Variants in SETBP1 observed in about 807,000 individuals in gnomAD.
SETBP1 encodes the protein SET binding protein 1, also known as SET-binding protein.
SETBP1 carries 9 observed loss-of-function variants against 101.0 expected under a neutral mutation model. The ratio of observed to expected loss-of-function variants is 0.09; its 90% CI spans 0.05 to 0.16. The LOEUF is 0.16. SETBP1 is among the 10% of genes least tolerant of loss of function. The pLI is 1.00. For missense variants in SETBP1, 1,858 were observed against 2,033.8 expected (o/e 0.91, Z 1.66); for synonymous variants, 818 against 788.5 (o/e 1.04, Z -0.63).
intron 2 of SETBP1, among the ~76,000 whole-genome samples, chr18:44,822,094 ACT>A (rs1045673289): frequency 5.3e-5 from 8 of 152,168 alleles, no homozygotes; most frequent in Admixed American, 1.3e-4. Flanking sequence ...TGACTGAGTG[ACT>A]CTGTTTATTT....
intron 4 of SETBP1, among the ~76,000 whole-genome samples, chr18:44,991,244 CA>C (rs55811938): frequency 0.059 from 4,017 of 68,208 alleles, 26 homozygotes; most frequent in African/African-American, 0.088. Flanking sequence ...CTGCATCTCA[CA>C]AAAAAAAAAA....
At chr18:44,831,875 C>T (rs539400317) in intron 2 of SETBP1, among the ~76,000 whole-genome samples, 2 of 152,332 alleles carry the variant, frequency 1.3e-5, no homozygotes, top group African/African-American at 4.8e-5. Context: ...GCTGTGCATT[C>T]TGCCTTAGGG....
chr18:44,691,468 C>T (rs1000971916), intron 1 of SETBP1, among the ~76,000 whole-genome samples: 9 of 151,340 alleles, frequency 5.9e-5, no homozygotes, highest in Non-Finnish European at 2.9e-5. Context: ...ACTTGATTGG[C>T]CCAGGCAGGA....
At chr18:44,698,778 G>T (rs1341777746) in intron 1 of SETBP1, among the ~76,000 whole-genome samples, 1 of 152,192 alleles carries the variant, frequency 6.6e-6, no homozygotes. Context: ...CATCAAAAGT[G>T]TAACTTCCTT....
Position 44,701,308 on chromosome 18 carries a change from T to C in SETBP1, c.-39T>C. 6.9e-7 allele frequency: 1 copy of C among 1,453,046 alleles called. No homozygotes were observed. The highest frequency in any genetic ancestry group is 1.5e-5 in the South Asian group (1 of 66,838). The allele number at this position is 1,453,046 out of a possible 1,614,324, so 90.0% of individuals were successfully genotyped here. ...ACCTTTCCCTTTTCCCTTTTCCCCT[T>C]CCCCCTCCTGAGAACTCCGGAAGAC... On this transcript the variant is annotated 5_prime_UTR_variant, in exon 2 of 6. Transcript: ENST00000649279.
intron 2 of SETBP1, among the ~76,000 whole-genome samples, chr18:44,812,534 T>C (rs2071885455): frequency 6.6e-6 from 1 of 152,162 alleles, no homozygotes; most frequent in Admixed American, 6.5e-5. Context: ...CATGATTGCA[T>C]GTGAGATATT....
At chr18:44,968,905 T>G (rs953636400) in intron 4 of SETBP1, among the ~76,000 whole-genome samples, 3 of 152,208 alleles carry the variant, frequency 2.0e-5, no homozygotes, top group African/African-American at 7.2e-5. Flanking sequence ...ACTGTTAATT[T>G]CTTTTCACAG....
chr18:44,692,698 G>A (rs901629740), intron 1 of SETBP1, among the ~76,000 whole-genome samples: 3 of 152,208 alleles, frequency 2.0e-5, no homozygotes, highest in South Asian at 4.1e-4. Context: ...TGTGTATGCA[G>A]GAAGAGGTAG....
chr18:44,836,922 AT>A (rs1345918814), intron 2 of SETBP1, among the ~76,000 whole-genome samples: 11 of 150,178 alleles, frequency 7.3e-5, no homozygotes, highest in African/African-American at 1.2e-4. Context: ...TTACATCCCT[AT>A]TTTTTTTTCT....
intron 5 of SETBP1, among the ~76,000 whole-genome samples, chr18:45,050,331 T>C (rs1568051315): frequency 6.6e-6 from 1 of 152,176 alleles, no homozygotes; most frequent in Non-Finnish European, 1.5e-5. Flanking sequence ...CCACAACTAG[T>C]AAAGAGTAAA....
chr18:45,008,086 G>A (rs1242749120), intron 4 of SETBP1, among the ~76,000 whole-genome samples: 1 of 152,128 alleles, frequency 6.6e-6, no homozygotes, highest in Non-Finnish European at 1.5e-5. Flanking sequence ...TCCAGTATAT[G>A]CTAATGCAAT....
rs2073951759 is a variant in SETBP1, at chr18:45,065,254, A to T, written c.*1556A>T. On this transcript the variant is annotated 3_prime_UTR_variant, in exon 6 of 6. Transcript: ENST00000649279. ...TTTCCGTAGATGTTTTCTAAAAGTC[A>T]GATTGTGGAAATTTCAAATAAGTAT... The T allele has an allele frequency of 6.6e-6, 1 of 152,244 alleles. No homozygotes were observed. The highest frequency in any genetic ancestry group is 2.4e-5 in the African/African-American group (1 of 41,468). The allele number at this position is 152,244 out of a possible 1,614,324, so 9.4% of individuals were successfully genotyped here. A position where few individuals can be genotyped will look rare whatever the true frequency, so the allele number is the denominator to read the frequency against.
chr18:44,756,145 A>C (rs976127916), intron 2 of SETBP1, among the ~76,000 whole-genome samples: 1 of 151,520 alleles, frequency 6.6e-6, no homozygotes. Context: ...TGAACCCTGG[A>C]GGCAGAGGTT....
chr18:44,889,148 C>G (rs1010773951), intron 3 of SETBP1, among the ~76,000 whole-genome samples: 1 of 152,078 alleles, frequency 6.6e-6, no homozygotes, highest in Non-Finnish European at 1.5e-5. Context: ...CATTTCAAAA[C>G]AGAGATAAAT....
chr18:44,880,825 GTCCAAACACCTCCCACA>G (rs2069514795), intron 3 of SETBP1, among the ~76,000 whole-genome samples: 1 of 152,066 alleles, frequency 6.6e-6, no homozygotes, highest in African/African-American at 2.4e-5. Context: ...TGCCCCCATG[GTCCAAACACCTCCCACA>G]AGGCTCCACC....
chr18:45,001,511 G>C (rs754798260), intron 4 of SETBP1, among the ~76,000 whole-genome samples: 1 of 152,144 alleles, frequency 6.6e-6, no homozygotes, highest in Non-Finnish European at 1.5e-5. Context: ...GCCCGAAGAG[G>C]TGGGGAGCTG....
At chr18:45,000,381 G>A (rs1025859545) in intron 4 of SETBP1, among the ~76,000 whole-genome samples, 2 of 152,204 alleles carry the variant, frequency 1.3e-5, no homozygotes, top group African/African-American at 4.8e-5. Context: ...AGGGGCTATA[G>A]TGAGCAGCCA....
rs149241174 is a variant in SETBP1 at position 44,978,137 on chromosome 18, C to T, written c.4000+24797C>T. ...GGAAGAGCAAGGAAAAAACATAGCTCCATTATTCCTCAGCTTGCAAAGGAG... is the reference window on the plus strand; with the variant it reads ...GGAAGAGCAAGGAAAAAACATAGCTTCATTATTCCTCAGCTTGCAAAGGAG... On this transcript the variant is annotated intron_variant, in intron 4 of 5. Transcript: ENST00000649279. Among the ~76,000 whole-genome samples, 636 of 152,300 alleles carry T rather than the reference C, an allele frequency of 4.2e-3. 3 individuals are homozygous for T. Among genetic ancestry groups the T allele is most frequent in the Middle Eastern group, 0.014 (4 of 294 alleles).
intron 1 of SETBP1, among the ~76,000 whole-genome samples, chr18:44,693,557 A>G (rs1013230773): frequency 6.6e-6 from 1 of 152,146 alleles, no homozygotes; most frequent in Non-Finnish European, 1.5e-5. Flanking sequence ...AGGTGCATGC[A>G]AAGTCCCATG....
Sources: gnomAD v4.1 joint callset for allele counts (sites outside exome capture counted in the v4.1 genomes callset) on GRCh38, gnomAD v4.1.1 for gene constraint, MANE v1.5 for transcripts, NCBI Gene and HGNC (gene_info 2026-07-23, HGNC 2026-07-21) for gene names.